The following OTOGL variants were observed in gnomAD, a reference collection of about 807,000 sequenced individuals.
OTOGL encodes otogelin like.
A neutral mutation model predicts 318.5 loss-of-function variants in OTOGL; 285 were observed. That is an observed-to-expected ratio of 0.89 (90% CI 0.81 to 0.99). The LOEUF is 0.99. Ranked by LOEUF, OTOGL falls within the 50% of genes least tolerant of loss-of-function variation. The pLI, the probability that OTOGL is intolerant of heterozygous loss-of-function variation, is 0.00. For missense variants in OTOGL, 2,899 were observed against 2,845.6 expected (o/e 1.02, Z -0.43); for synonymous variants, 987 against 936.5 (o/e 1.05, Z -0.99).
At chr12:80,218,045 TCACTGTTGTGTTTAAAATAA>T (rs1877913261) in intron 5 of OTOGL, among the ~76,000 whole-genome samples, 1 of 152,220 alleles carries the variant, frequency 6.6e-6, no homozygotes, top group Non-Finnish European at 1.5e-5. Flanking sequence ...ATAGAAACTA[TCACTGTTGTGTTTAAAATAA>T]CAATGATCCT....
At chr12:80,248,950 A>T (rs1405264763) in intron 11 of OTOGL, among the ~76,000 whole-genome samples, 1 of 147,658 alleles carries the variant, frequency 6.8e-6, no homozygotes, top group East Asian at 2.0e-4. Flanking sequence ...CTTCCATTTG[A>T]TCGCATCGGC....
At chr12:80,250,785 A>G (rs777561823) in intron 11 of OTOGL, among the ~76,000 whole-genome samples, 2 of 152,172 alleles carry the variant, frequency 1.3e-5, no homozygotes, top group Non-Finnish European at 1.5e-5. Context: ...ATTATCTCCT[A>G]AGATATTTAA....
At position 80,128,809 on chromosome 12, in the gene OTOGL, G is replaced by A. The variant is rs112400121; in HGVS notation, c.-20+29204G>A. ...TCAGACTGCTGTGCTAGCAATGAGCGAGGCTTCGTAGGCATAGGACCCTCT... is the reference window on the plus strand; with the variant it reads ...TCAGACTGCTGTGCTAGCAATGAGCAAGGCTTCGTAGGCATAGGACCCTCT... On this transcript the variant is annotated intron_variant, in intron 1 of 58. Transcript: ENST00000547103. 3.1e-3 allele frequency among the ~76,000 whole-genome samples: 477 copies of A among 152,318 alleles called. 4 individuals carry two copies. The highest frequency in any genetic ancestry group is 0.01 in the African/African-American group (432 of 41,562).
At chr12:80,239,047 T>G in intron 10 of OTOGL, 69 bp downstream of exon 10, 1 of 1,438,224 alleles carries the variant, frequency 7.0e-7, no homozygotes, top group Non-Finnish European at 9.1e-7. Context: ...TATAATTAAC[T>G]AAGCATTTTT....
intron 26 of OTOGL, 123 bp from the exon 27 acceptor site, chr12:80,296,703 GA>G: frequency 1.6e-6 from 1 of 625,534 alleles, no homozygotes. Flanking sequence ...TTTTATTTTA[GA>G]GGTAAGTTGT....
chr12:80,319,681 G>A (rs938552685), intron 33 of OTOGL, among the ~76,000 whole-genome samples: 1 of 152,054 alleles, frequency 6.6e-6, no homozygotes, highest in Non-Finnish European at 1.5e-5. Context: ...AATAACTAAT[G>A]ATTTTACTAG....
At chr12:80,330,321 T>A (rs928881590) in intron 37 of OTOGL, among the ~76,000 whole-genome samples, 1 of 152,202 alleles carries the variant, frequency 6.6e-6, no homozygotes, top group African/African-American at 2.4e-5. Flanking sequence ...ATACTTTTAA[T>A]CTTAATAAGA....
chr12:80,145,189 G>C (rs1457730477), intron 1 of OTOGL, among the ~76,000 whole-genome samples: 5 of 150,718 alleles, frequency 3.3e-5, no homozygotes, highest in African/African-American at 1.2e-4. Flanking sequence ...TATGGTTTTA[G>C]GTCTAACGTT....
At chr12:80,115,535 C>T (rs995308673) in intron 1 of OTOGL, among the ~76,000 whole-genome samples, 2 of 152,156 alleles carry the variant, frequency 1.3e-5, no homozygotes, top group Admixed American at 1.3e-4. Flanking sequence ...CAGGGACCCA[C>T]TTAAGGAGGC....
chr12:80,194,919 A>AT (rs1413674188), intron 1 of OTOGL, among the ~76,000 whole-genome samples: 3 of 152,138 alleles, frequency 2.0e-5, no homozygotes, highest in East Asian at 1.9e-4. Context: ...GTTCTTTACA[A>AT]TTTTTTTCCC....
intron 1 of OTOGL, among the ~76,000 whole-genome samples, chr12:80,173,042 T>C (rs182731873): frequency 1.3e-5 from 2 of 152,262 alleles, no homozygotes; most frequent in Admixed American, 1.3e-4. Context: ...GGCACATGTT[T>C]ACATATGTAA....
At chr12:80,141,392 G>A (rs1871935117) in intron 1 of OTOGL, among the ~76,000 whole-genome samples, 1 of 152,100 alleles carries the variant, frequency 6.6e-6, no homozygotes, top group South Asian at 2.1e-4. Context: ...TCACCAGAAG[G>A]TGACAATTTT....
At chr12:80,249,403 G>A (rs1341627927) in intron 11 of OTOGL, among the ~76,000 whole-genome samples, 1 of 151,298 alleles carries the variant, frequency 6.6e-6, no homozygotes, top group Non-Finnish European at 1.5e-5. Context: ...CTCAGCTGAA[G>A]GTCTGTTGGA....
intron 1 of OTOGL, among the ~76,000 whole-genome samples, chr12:80,187,147 C>T (rs1432444104): frequency 6.6e-6 from 1 of 152,168 alleles, no homozygotes; most frequent in Non-Finnish European, 1.5e-5. Flanking sequence ...GGCCTCAACA[C>T]GGACTTTTAT....
chr12:80,125,716 G>T lies in OTOGL; in HGVS notation c.-20+26111G>T, dbSNP rs183835033. The stretch of plus-strand genomic sequence containing the variant: ...TATTAATTATTGCCTCAATTTCAGA[G>T]CCTGTTATTGGTCTATTCAGAGATT... On this transcript the variant is annotated intron_variant, in intron 1 of 58. Transcript: ENST00000547103. Among the ~76,000 whole-genome samples the T allele has an allele frequency of 6.9e-3, 1,056 of 152,140 alleles. 19 individuals carry two copies. Among genetic ancestry groups the T allele is most frequent in the African/African-American group, 0.024 (1,005 of 41,508 alleles).
chr12:80,102,684 G>T (rs2137065450), intron 1 of OTOGL, among the ~76,000 whole-genome samples: 1 of 152,144 alleles, frequency 6.6e-6, no homozygotes, highest in East Asian at 1.9e-4. Flanking sequence ...CAGGGTGTTT[G>T]AAAAATATGT....
At chr12:80,131,654 A>G (rs1201947954) in intron 1 of OTOGL, 1 of 152,210 alleles carries the variant, frequency 6.6e-6, no homozygotes, top group Non-Finnish European at 1.5e-5. Flanking sequence ...TTGTAATAAT[A>G]ATGATAATAA....
At chr12:80,284,631 G>A (rs891814329) in intron 26 of OTOGL, among the ~76,000 whole-genome samples, 13 of 152,146 alleles carry the variant, frequency 8.5e-5, no homozygotes, top group African/African-American at 1.9e-4. Context: ...AATGACCAGC[G>A]ATGATGAGCT....
At chr12:80,328,123 C>A (rs1199185717) in intron 35 of OTOGL, among the ~76,000 whole-genome samples, 1 of 151,670 alleles carries the variant, frequency 6.6e-6, no homozygotes, top group Non-Finnish European at 1.5e-5. Context: ...TCAAGATCAG[C>A]CTGGGCAACA....
Sources: gnomAD v4.1 joint callset for allele counts (sites outside exome capture counted in the v4.1 genomes callset) on GRCh38, gnomAD v4.1.1 for gene constraint, MANE v1.5 for transcripts, NCBI Gene and HGNC (gene_info 2026-07-23, HGNC 2026-07-21) for gene names.